Variants in TRHDE observed in about 807,000 individuals in gnomAD.
TRHDE encodes thyrotropin releasing hormone degrading enzyme, also known as thyrotropin-releasing hormone-degrading ectoenzyme.
In TRHDE, 72 loss-of-function variants were observed where a neutral mutation model predicts 125.7. The observed-to-expected ratio is 0.57, with a 90% CI of 0.47 to 0.70. The LOEUF (loss-of-function observed/expected upper bound fraction) is 0.70. Among genes scored for constraint, TRHDE ranks in the 30% least tolerant of loss-of-function variants. The probability of loss-of-function intolerance (pLI) is 0.00; values close to 1 mark genes in which losing one functional copy is unlikely to be tolerated. For synonymous variants in TRHDE, 509 were observed against 509.1 expected (o/e 1.00, Z 0.00); for missense variants, 1,110 against 1,327.1 (o/e 0.84, Z 2.54).
At chr12:72,594,947 G>C (rs1005106402) in intron 12 of TRHDE, among the ~76,000 whole-genome samples, 9 of 151,874 alleles carry the variant, frequency 5.9e-5, no homozygotes, top group African/African-American at 2.2e-4. Context: ...AAAAGGATGA[G>C]TTCATGTCCT....
intron 2 of TRHDE, among the ~76,000 whole-genome samples, chr12:72,320,405 A>G (rs1869026235): frequency 6.6e-6 from 1 of 152,140 alleles, no homozygotes; most frequent in African/African-American, 2.4e-5. Context: ...GTTACAGTGT[A>G]TTGTTTAGGG....
intron 6 of TRHDE, among the ~76,000 whole-genome samples, chr12:72,517,112 G>A (rs1303510951): frequency 2.6e-5 from 4 of 151,334 alleles, no homozygotes; most frequent in Non-Finnish European, 4.4e-5. Context: ...TCTCTTTTTT[G>A]GTTGTGTCTC....
chr12:72,138,961 C>T (rs1876051592), intron 2 of TRHDE, among the ~76,000 whole-genome samples: 1 of 152,166 alleles, frequency 6.6e-6, no homozygotes, highest in Non-Finnish European at 1.5e-5. Flanking sequence ...AAACTCATTT[C>T]TGCTCTATAA....
chr12:72,294,286 AGG>A (rs1880203891), intron 2 of TRHDE, among the ~76,000 whole-genome samples: 2 of 152,126 alleles, frequency 1.3e-5, no homozygotes, highest in South Asian at 4.1e-4. Context: ...TGAGGTATGT[AGG>A]GGAGTGGAGG....
chr12:72,326,379 T>TCA (rs1472807214), intron 2 of TRHDE, among the ~76,000 whole-genome samples: 2 of 151,974 alleles, frequency 1.3e-5, no homozygotes, highest in Non-Finnish European at 2.9e-5. Flanking sequence ...GAGGGGAGCA[T>TCA]CACACACTGG....
At chr12:72,534,226 G>T (rs1259092700) in intron 6 of TRHDE, among the ~76,000 whole-genome samples, 1 of 152,162 alleles carries the variant, frequency 6.6e-6, no homozygotes, top group East Asian at 1.9e-4. Context: ...ACATGTAGTT[G>T]TGAGAAGGAG....
intron 2 of TRHDE, among the ~76,000 whole-genome samples, chr12:72,298,877 A>G (rs1349114591): frequency 6.6e-6 from 1 of 152,164 alleles, no homozygotes; most frequent in East Asian, 1.9e-4. Context: ...ATTTGGGTCT[A>G]GCTCAGCTTT....
intron 3 of TRHDE, among the ~76,000 whole-genome samples, chr12:72,384,990 T>C (rs1213085678): frequency 6.6e-6 from 1 of 152,106 alleles, no homozygotes; most frequent in Non-Finnish European, 1.5e-5. Context: ...ACTTATGTAA[T>C]ACTATCTTGA....
chr12:72,230,224 G>A (rs1238462234), intron 2 of TRHDE, among the ~76,000 whole-genome samples: 1 of 152,108 alleles, frequency 6.6e-6, no homozygotes, highest in Non-Finnish European at 1.5e-5. Flanking sequence ...ACCCTATCTA[G>A]GTTTGGGTCA....
At chr12:72,649,555 A>G (rs536102352) in intron 15 of TRHDE, among the ~76,000 whole-genome samples, 2 of 152,252 alleles carry the variant, frequency 1.3e-5, no homozygotes, top group South Asian at 4.1e-4. Context: ...ATCAAACTAA[A>G]AAGCTTCTGC....
intron 2 of TRHDE, among the ~76,000 whole-genome samples, chr12:72,332,399 A>T (rs1261702624): frequency 6.6e-6 from 1 of 152,176 alleles, no homozygotes; most frequent in Non-Finnish European, 1.5e-5. Context: ...TGGGCCTCCC[A>T]GAGTGCTGGG....
chr12:72,520,838 T>C (rs932630878), intron 6 of TRHDE, among the ~76,000 whole-genome samples: 1 of 152,212 alleles, frequency 6.6e-6, no homozygotes, highest in African/African-American at 2.4e-5. Flanking sequence ...TTCTCTTTTA[T>C]TACCGTATTA....
intron 10 of TRHDE, among the ~76,000 whole-genome samples, chr12:72,571,542 T>A (rs572627329): frequency 6.6e-6 from 1 of 152,270 alleles, no homozygotes; most frequent in South Asian, 2.1e-4. Context: ...TAAAAATAAT[T>A]TTTAAACCAA....
At chr12:72,198,027 C>A (rs1332864562) in intron 2 of TRHDE, among the ~76,000 whole-genome samples, 2 of 151,828 alleles carry the variant, frequency 1.3e-5, no homozygotes, top group Admixed American at 1.3e-4. Flanking sequence ...TGTGGCATTG[C>A]CTTTTTAGGA....
At chr12:72,126,435 A>G (rs746102058) in intron 2 of TRHDE, among the ~76,000 whole-genome samples, 16 of 152,218 alleles carry the variant, frequency 1.1e-4, no homozygotes, top group Non-Finnish European at 2.4e-4. Flanking sequence ...AGCCAGAGGC[A>G]TCACATTATC....
chr12:72,386,644 A>G (rs144132060), intron 3 of TRHDE, among the ~76,000 whole-genome samples: 30 of 152,180 alleles, frequency 2.0e-4, no homozygotes, highest in African/African-American at 6.5e-4. Context: ...GCTTGAAAGG[A>G]TTGTCCATCT....
intron 3 of TRHDE, among the ~76,000 whole-genome samples, chr12:72,425,077 T>C (rs1452102632): frequency 6.6e-6 from 1 of 152,154 alleles, no homozygotes; most frequent in South Asian, 2.1e-4. Context: ...GTGTTTTACA[T>C]TGAATTTTAT....
At chr12:72,288,566 A>G (rs559286429) in intron 2 of TRHDE, among the ~76,000 whole-genome samples, 102 of 152,174 alleles carry the variant, frequency 6.7e-4, no homozygotes, top group Non-Finnish European at 1.3e-3. Context: ...TGGACCATAC[A>G]CAGACACGGA....
chr12:72,395,415 AC>A (rs1322763580), intron 3 of TRHDE, among the ~76,000 whole-genome samples: 1 of 152,090 alleles, frequency 6.6e-6, no homozygotes, highest in African/African-American at 2.4e-5. Context: ...TCACCTTGAA[AC>A]ATCTTCATTT....
Sources: gnomAD v4.1 joint callset for allele counts (sites outside exome capture counted in the v4.1 genomes callset) on GRCh38, gnomAD v4.1.1 for gene constraint, MANE v1.5 for transcripts, NCBI Gene and HGNC (gene_info 2026-07-23, HGNC 2026-07-21) for gene names.